PRKAR1A: variants seen among roughly 807,000 people sequenced by gnomAD.
The protein encoded by PRKAR1A is protein kinase cAMP-dependent type I regulatory subunit alpha.
A neutral mutation model predicts 52.0 loss-of-function variants in PRKAR1A; 3 were observed. That is an observed-to-expected ratio of 0.06 (90% CI 0.03 to 0.15). PRKAR1A has a LOEUF of 0.15. PRKAR1A is among the 10% of genes least tolerant of loss of function. The pLI is 1.00. For missense variants in PRKAR1A, 240 were observed against 477.4 expected (o/e 0.50, Z 4.63); for synonymous variants, 188 against 168.4 (o/e 1.12, Z -0.90).
chr17:68,503,188 G>T, the PRKAR1A span, among the ~76,000 whole-genome samples: 3 of 152,188 alleles, frequency 2.0e-5, no homozygotes, highest in Non-Finnish European at 1.5e-5. Context: ...TTAACAGGAT[G>T]CCTAAAATCC....
At chr17:68,457,841 C>T in the PRKAR1A span, among the ~76,000 whole-genome samples, 1 of 152,190 alleles carries the variant, frequency 6.6e-6, no homozygotes. Flanking sequence ...GCAAAGGCAG[C>T]AGGCCCACGT....
the PRKAR1A span, among the ~76,000 whole-genome samples, chr17:68,491,171 A>G: frequency 1.3e-5 from 2 of 149,886 alleles, no homozygotes; most frequent in African/African-American, 4.9e-5. Flanking sequence ...AGCTCACTGC[A>G]ACGTCTGCCT....
At chr17:68,496,027 CTCTCCCCT>C in the PRKAR1A span, among the ~76,000 whole-genome samples, 1 of 2,890 alleles carries the variant, frequency 3.5e-4, no homozygotes. Flanking sequence ...CGCTCCCCTC[CTCTCCCCT>C]CCTCTCCTCT....
chr17:68,538,004 A>G (rs16973034), downstream of PRKAR1A, among the ~76,000 whole-genome samples: 22,428 of 152,218 alleles, frequency 0.15, 1,715 homozygotes, highest in South Asian at 0.2. Context: ...GCTGGGCTAT[A>G]TGCATTTTCT....
At chr17:68,431,481 CAG>C in the PRKAR1A span, among the ~76,000 whole-genome samples, 12 of 151,978 alleles carry the variant, frequency 7.9e-5, no homozygotes, top group African/African-American at 2.2e-4. Flanking sequence ...AGGTCTGACT[CAG>C]GGGGACGGGA....
chr17:68,534,701 T>C (rs1252121490), downstream of PRKAR1A, among the ~76,000 whole-genome samples: 2 of 152,108 alleles, frequency 1.3e-5, no homozygotes, highest in South Asian at 2.1e-4. Context: ...GTAGAAAATA[T>C]GTATATTGGA....
At chr17:68,497,311 C>A in the PRKAR1A span, among the ~76,000 whole-genome samples, 1 of 152,176 alleles carries the variant, frequency 6.6e-6, no homozygotes, top group East Asian at 1.9e-4. Context: ...GCAACAAAGA[C>A]CTTATGGCCA....
chr17:68,474,694 G>C, the PRKAR1A span, among the ~76,000 whole-genome samples: 1 of 152,160 alleles, frequency 6.6e-6, no homozygotes, highest in African/African-American at 2.4e-5. Flanking sequence ...AGGAGATCGA[G>C]ACCATCCTGG....
At chr17:68,503,802 T>G in the PRKAR1A span, among the ~76,000 whole-genome samples, 1 of 152,246 alleles carries the variant, frequency 6.6e-6, no homozygotes, top group Admixed American at 6.5e-5. Context: ...TCAACATCAC[T>G]GATCATCAGA....
chr17:68,522,677 A>G, intron 2 of PRKAR1A, 79 bp from the exon 3 acceptor site: 1 of 1,462,124 alleles, frequency 6.8e-7, no homozygotes, highest in Non-Finnish European at 9.5e-7. Flanking sequence ...AGTGACTGAG[A>G]TAGACTATCA....
the PRKAR1A span, chr17:68,430,171 A>G: frequency 6.2e-7 from 1 of 1,608,106 alleles, no homozygotes; most frequent in Non-Finnish European, 8.5e-7. Context: ...CTAGGGAGTA[A>G]TGCACAGGCA....
the PRKAR1A span, among the ~76,000 whole-genome samples, chr17:68,423,529 C>A: frequency 4.3e-4 from 65 of 152,318 alleles, 1 homozygote; most frequent in Middle Eastern, 6.8e-3. This position sits in a 1 kb window ranked among gnomAD's most constrained non-coding sequence, Gnocchi z 4.4. Flanking sequence ...TTCTAGGGAC[C>A]TTGTTCAGTG....
In PRKAR1A at chr17:68,533,074, C is replaced by A; in HGVS notation, c.*2625C>A. 1 of 1,065,500 alleles carries A rather than the reference C, an allele frequency of 9.4e-7. No homozygotes were observed. Among genetic ancestry groups the A allele is most frequent in the Non-Finnish European group, 1.1e-6 (1 of 879,488 alleles). The allele number at this position is 1,065,500 out of a possible 1,614,324, so 66.0% of individuals were successfully genotyped here. On this transcript the variant is annotated 3_prime_UTR_variant, in exon 11 of 11. Transcript: ENST00000589228. The stretch of plus-strand genomic sequence containing the variant: ...TTGGTTCTGTGGCCTTGGAACTTTC[C>A]CAGACTTAATGGGGAAACATCATTT...
the PRKAR1A span, among the ~76,000 whole-genome samples, chr17:68,441,844 C>T: frequency 6.6e-6 from 1 of 152,218 alleles, no homozygotes; most frequent in East Asian, 1.9e-4. Context: ...ATTTAAAACA[C>T]CTTGGGCTAT....
chr17:68,528,420 C>T (rs1212421396), intron 8 of PRKAR1A, among the ~76,000 whole-genome samples: 1 of 151,950 alleles, frequency 6.6e-6, no homozygotes, highest in African/African-American at 2.4e-5. Flanking sequence ...AGTAGTTTGG[C>T]CTTTGGGAAT....
At chr17:68,550,097 G>A (rs139494194) in intron 11 of PRKAR1A, among the ~76,000 whole-genome samples, 3 of 152,204 alleles carry the variant, frequency 2.0e-5, no homozygotes, top group Non-Finnish European at 1.5e-5. Flanking sequence ...GGGGAGGGGA[G>A]TGGGGAAATA....
the PRKAR1A span, among the ~76,000 whole-genome samples, chr17:68,439,573 A>G: frequency 6.6e-6 from 1 of 152,238 alleles, no homozygotes; most frequent in African/African-American, 2.4e-5. Flanking sequence ...TTCCGTGAAT[A>G]TACCAAAAGC....
the PRKAR1A span, among the ~76,000 whole-genome samples, chr17:68,484,458 CT>C: frequency 2.2e-3 from 296 of 135,328 alleles, no homozygotes; most frequent in East Asian, 0.022. Context: ...ATCGTGGTAT[CT>C]TTTTTTTTTT....
the PRKAR1A span, among the ~76,000 whole-genome samples, chr17:68,486,517 CTTTCTTTCTT>C: frequency 1.4e-4 from 11 of 76,416 alleles, no homozygotes; most frequent in African/African-American, 4.9e-4. Context: ...TTCTTTCTTT[CTTTCTTTCTT>C]TCTTTCTTTC....
Sources: allele counts gnomAD v4.1 joint callset (sites outside exome capture counted in the v4.1 genomes callset), GRCh38; gene constraint gnomAD v4.1.1; non-coding constraint Gnocchi (gnomAD v3.1); transcripts MANE v1.5; gene names NCBI Gene and HGNC (gene_info 2026-07-23, HGNC 2026-07-21).